The following TMEM217B variants were observed in gnomAD, a reference collection of about 807,000 sequenced individuals.
TMEM217B encodes transmembrane protein 217B.
At chr6:37,226,248 T>A in the TMEM217B span, among the ~76,000 whole-genome samples, 1 of 151,106 alleles carries the variant, frequency 6.6e-6, no homozygotes, top group Non-Finnish European at 1.5e-5. Context: ...TTTTTTTGTT[T>A]TGTTTTGTTT....
chr6:37,232,800 C>A, the TMEM217B span, among the ~76,000 whole-genome samples: 1 of 152,244 alleles, frequency 6.6e-6, no homozygotes. Context: ...CACTCCTTAT[C>A]TCTTCAAACA....
At chr6:37,237,038 T>G in the TMEM217B span, among the ~76,000 whole-genome samples, 21 of 152,198 alleles carry the variant, frequency 1.4e-4, no homozygotes, top group African/African-American at 4.8e-4. Flanking sequence ...GCAAGCCAGA[T>G]GGAAGCTGTA....
chr6:37,218,775 C>T, the TMEM217B span: 11 of 1,614,046 alleles, frequency 6.8e-6, no homozygotes, highest in African/African-American at 1.3e-4. Context: ...TGGGCATACA[C>T]TGAGTACAGG....
chr6:37,248,605 T>C, the TMEM217B span, among the ~76,000 whole-genome samples: 5 of 152,318 alleles, frequency 3.3e-5, no homozygotes, highest in Non-Finnish European at 7.4e-5. Flanking sequence ...TCTTCCTCTC[T>C]TTGAGCTTCA....
chr6:37,227,473 G>A, the TMEM217B span, among the ~76,000 whole-genome samples: 1 of 152,040 alleles, frequency 6.6e-6, no homozygotes, highest in Non-Finnish European at 1.5e-5. Flanking sequence ...TTGAGACGGA[G>A]TCTCGCTCTG....
chr6:37,221,194 T>C, the TMEM217B span, among the ~76,000 whole-genome samples: 17 of 151,864 alleles, frequency 1.1e-4, no homozygotes, highest in Non-Finnish European at 1.3e-4. Flanking sequence ...TGGAGTCTTT[T>C]TTTTTTTTTT....
chr6:37,212,934 G>C, the TMEM217B span: 14 of 1,550,238 alleles, frequency 9.0e-6, no homozygotes, highest in African/African-American at 1.4e-5. Flanking sequence ...GGACAGAGAA[G>C]ATGCCCACCA....
chr6:37,227,044 G>A, the TMEM217B span, among the ~76,000 whole-genome samples: 1 of 152,236 alleles, frequency 6.6e-6, no homozygotes, highest in Non-Finnish European at 1.5e-5. Flanking sequence ...GCCCAGGCCT[G>A]TATATCTGCA....
the TMEM217B span, among the ~76,000 whole-genome samples, chr6:37,250,976 G>A: frequency 6.6e-6 from 1 of 152,198 alleles, no homozygotes; most frequent in African/African-American, 2.4e-5. Flanking sequence ...GGTGATGAAG[G>A]TAGATTACTG....
the TMEM217B span, among the ~76,000 whole-genome samples, chr6:37,227,165 A>G: frequency 6.6e-6 from 1 of 152,184 alleles, no homozygotes; most frequent in South Asian, 2.1e-4. Flanking sequence ...TTTTGAATCC[A>G]CTGAGCCCAG....
chr6:37,248,734 A>G, the TMEM217B span, among the ~76,000 whole-genome samples: 2 of 152,264 alleles, frequency 1.3e-5, no homozygotes, highest in Non-Finnish European at 2.9e-5. Context: ...TCTGGGGAGC[A>G]GAAATAGGTG....
the TMEM217B span, among the ~76,000 whole-genome samples, chr6:37,225,094 G>A: frequency 6.6e-6 from 1 of 151,848 alleles, no homozygotes; most frequent in Non-Finnish European, 1.5e-5. Context: ...CAGCTACTCC[G>A]GAGGCTGAGG....
chr6:37,218,185 TG>T, the TMEM217B span: 2 of 1,121,888 alleles, frequency 1.8e-6, no homozygotes, highest in South Asian at 3.4e-5. Flanking sequence ...TTTTTTTTTT[TG>T]GGGGACAGAG....
chr6:37,213,748 C>T, the TMEM217B span, among the ~76,000 whole-genome samples: 3 of 152,372 alleles, frequency 2.0e-5, no homozygotes, highest in East Asian at 3.9e-4. Context: ...TAATGGGGGA[C>T]CTAAGGCTGG....
chr6:37,241,525 T>C, the TMEM217B span, among the ~76,000 whole-genome samples: 22 of 152,140 alleles, frequency 1.4e-4, no homozygotes, highest in African/African-American at 5.3e-4. Flanking sequence ...AAGCAGGTGC[T>C]GGCAGGATCC....
chr6:37,233,821 C>T, the TMEM217B span, among the ~76,000 whole-genome samples: 3 of 152,096 alleles, frequency 2.0e-5, no homozygotes, highest in Admixed American at 6.6e-5. Flanking sequence ...TAACTTAAGT[C>T]GATGGTTCGA....
the TMEM217B span, chr6:37,212,644 C>T: frequency 1.8e-6 from 1 of 541,868 alleles, no homozygotes; most frequent in Non-Finnish European, 3.5e-6. Flanking sequence ...TTTGATGATC[C>T]CGTTGAGGAG....
At chr6:37,237,698 A>G in the TMEM217B span, among the ~76,000 whole-genome samples, 1 of 152,208 alleles carries the variant, frequency 6.6e-6, no homozygotes, top group Admixed American at 6.5e-5. Context: ...AACAGGAGTC[A>G]AAAGGAACAA....
chr6:37,235,958 A>G, the TMEM217B span, among the ~76,000 whole-genome samples: 1 of 152,206 alleles, frequency 6.6e-6, no homozygotes, highest in Non-Finnish European at 1.5e-5. Flanking sequence ...GGGGTCAAAC[A>G]CATTCAAACC....
Sources: allele counts gnomAD v4.1 joint callset (sites outside exome capture counted in the v4.1 genomes callset), GRCh38; gene constraint gnomAD v4.1.1; transcripts MANE v1.5; gene names NCBI Gene and HGNC (gene_info 2026-07-23, HGNC 2026-07-21).